Variants in DIAPH2 observed in about 807,000 individuals in gnomAD.
The protein encoded by DIAPH2 is diaphanous related formin 2.
In DIAPH2, 35 loss-of-function variants were observed where a neutral mutation model predicts 92.7. The ratio of observed to expected loss-of-function variants is 0.38; its 90% CI spans 0.29 to 0.50. The LOEUF (loss-of-function observed/expected upper bound fraction) is 0.50. Ranked by LOEUF, DIAPH2 falls within the 20% of genes least tolerant of loss-of-function variation. The pLI is 0.94. For synonymous variants in DIAPH2, 301 were observed against 280.4 expected, an observed-to-expected ratio of 1.07 and a Z score of -0.73; for missense variants, 701 against 819.5, an observed-to-expected ratio of 0.86 and a Z score of 1.77.
intron 17 of DIAPH2, among the ~76,000 whole-genome samples, chrX:97,065,920 A>T (rs1006767396): frequency 3.6e-5 from 4 of 112,217 alleles, no homozygotes; most frequent in East Asian, 2.8e-4. Flanking sequence ...TAAAAATTTT[A>T]AAAAAGTTGA....
At chrX:97,329,667 G>A (rs990488181) in intron 23 of DIAPH2, among the ~76,000 whole-genome samples, 8 of 110,781 alleles carry the variant, frequency 7.2e-5, no homozygotes, top group African/African-American at 9.8e-5. Context: ...AAAAGGGAGA[G>A]CACATGTGAG....
chrX:96,954,664 C>A (rs777579501), intron 15 of DIAPH2, among the ~76,000 whole-genome samples: 1 of 112,279 alleles, frequency 8.9e-6, no homozygotes, highest in Admixed American at 9.4e-5. Flanking sequence ...AGTCATTTAA[C>A]TTTTTCTGCA....
intron 5 of DIAPH2, among the ~76,000 whole-genome samples, chrX:96,906,604 C>T (rs1304463017): frequency 3.6e-5 from 4 of 111,698 alleles, no homozygotes; most frequent in Admixed American, 9.5e-5. Context: ...AGAAAATTTA[C>T]GTATATTATC....
intron 22 of DIAPH2, among the ~76,000 whole-genome samples, chrX:97,213,957 A>G (rs2067861158): frequency 1.8e-5 from 2 of 112,070 alleles, no homozygotes; most frequent in Non-Finnish European, 3.8e-5. Flanking sequence ...AGTCCAGGAA[A>G]TCTTTACTGA....
chrX:97,332,700 T>A (rs1722268508), intron 23 of DIAPH2, among the ~76,000 whole-genome samples: 1 of 111,575 alleles, frequency 9.0e-6, no homozygotes. Context: ...TATGTACATA[T>A]TCATTCCAAA....
chrX:96,687,565 G>A (rs1165208448), intron 1 of DIAPH2, among the ~76,000 whole-genome samples: 4 of 109,829 alleles, frequency 3.6e-5, no homozygotes, highest in Non-Finnish European at 5.7e-5. Context: ...TCAGCCTCCT[G>A]AGTAGCTGGG....
intron 26 of DIAPH2, among the ~76,000 whole-genome samples, chrX:97,514,764 C>G (rs1302359512): frequency 9.2e-6 from 1 of 108,139 alleles, no homozygotes; most frequent in African/African-American, 3.3e-5. Flanking sequence ...TTGGAGTACC[C>G]TGCAGTGTGT....
At chrX:97,053,158 G>A (rs2066532333) in intron 17 of DIAPH2, among the ~76,000 whole-genome samples, 1 of 110,768 alleles carries the variant, frequency 9.0e-6, no homozygotes, top group African/African-American at 3.3e-5. Flanking sequence ...CCCTAGGCTT[G>A]GTTTCTATTG....
At chrX:96,873,735 A>G (rs146830005) in intron 4 of DIAPH2, among the ~76,000 whole-genome samples, 6,030 of 110,277 alleles carry the variant, frequency 0.055, 179 homozygotes, top group Middle Eastern at 0.14. Context: ...TAACACACAA[A>G]TAAGTACAAA....
intron 4 of DIAPH2, among the ~76,000 whole-genome samples, chrX:96,820,362 TG>T (rs1205259823): frequency 9.0e-6 from 1 of 111,434 alleles, no homozygotes; most frequent in East Asian, 2.8e-4. Context: ...CCCAGCTACT[TG>T]GGGGACCGAG....
At chrX:97,524,553 A>G (rs1477715542) in intron 26 of DIAPH2, among the ~76,000 whole-genome samples, 1 of 112,299 alleles carries the variant, frequency 8.9e-6, no homozygotes, top group East Asian at 2.8e-4. Flanking sequence ...TTGCCCAGAA[A>G]TAGAGGCATA....
At chrX:97,037,919 A>G (rs374139544) in intron 17 of DIAPH2, among the ~76,000 whole-genome samples, 3 of 111,320 alleles carry the variant, frequency 2.7e-5, no homozygotes, top group East Asian at 2.8e-4. Flanking sequence ...GATGAATTAC[A>G]TAGTAGTAAA....
chrX:97,402,207 C>CGTGTGT (rs10695870), intron 25 of DIAPH2, among the ~76,000 whole-genome samples: 11,476 of 99,673 alleles, frequency 0.12, 661 homozygotes, highest in Non-Finnish European at 0.17. Flanking sequence ...TCATTTGCAT[C>CGTGTGT]GTGTGTGTGT....
chrX:96,916,697 G>T (rs2065507112), intron 8 of DIAPH2, 123 bp downstream of exon 8: 3 of 762,976 alleles, frequency 3.9e-6, no homozygotes, highest in South Asian at 3.2e-5. Context: ...GATAATTTTT[G>T]ATTGAAATTT....
At chrX:97,136,165 A>G (rs2067169090) in intron 21 of DIAPH2, among the ~76,000 whole-genome samples, 1 of 112,358 alleles carries the variant, frequency 8.9e-6, no homozygotes, top group South Asian at 3.7e-4. Flanking sequence ...ATAGCTAGAG[A>G]TAAGATCACA....
chrX:97,365,042 A>ATGG (rs1424222205), intron 24 of DIAPH2, among the ~76,000 whole-genome samples: 2 of 110,926 alleles, frequency 1.8e-5, no homozygotes, highest in African/African-American at 6.5e-5. Flanking sequence ...TCTTTGGCTG[A>ATGG]TGGTACAACT....
intron 4 of DIAPH2, among the ~76,000 whole-genome samples, chrX:96,853,042 T>C (rs1027787945): frequency 7.2e-5 from 8 of 111,744 alleles, no homozygotes; most frequent in African/African-American, 2.6e-4. Context: ...TGAGTTGCCC[T>C]CAGTTAAAAG....
chrX:97,072,801 C>A, intron 17 of DIAPH2, 140 bp from the exon 18 acceptor site: 1 of 383,754 alleles, frequency 2.6e-6, no homozygotes, highest in Non-Finnish European at 4.5e-6. Flanking sequence ...TGTTTATCCT[C>A]TTCCTTGAGC....
At chrX:97,544,314 C>T (rs1364344078) in intron 26 of DIAPH2, among the ~76,000 whole-genome samples, 1 of 112,449 alleles carries the variant, frequency 8.9e-6, no homozygotes, top group African/African-American at 3.2e-5. Flanking sequence ...CAGTAATATA[C>T]ATACTTAAAG....
Sources: gnomAD v4.1 joint callset for allele counts (sites outside exome capture counted in the v4.1 genomes callset) on GRCh38, gnomAD v4.1.1 for gene constraint, MANE v1.5 for transcripts, NCBI Gene and HGNC (gene_info 2026-07-23, HGNC 2026-07-21) for gene names.